TRIM52: variants seen among roughly 807,000 people sequenced by gnomAD.
The protein encoded by TRIM52 is E3 ubiquitin-protein ligase TRIM52.
TRIM52 carries 24 observed loss-of-function variants against 27.0 expected under a neutral mutation model. That is an observed-to-expected ratio of 0.89 (90% CI 0.64 to 1.25). The LOEUF (loss-of-function observed/expected upper bound fraction) is 1.25, where lower values mean the gene tolerates loss of function less well. Ranked by LOEUF, TRIM52 falls within the 50% of genes most tolerant of loss-of-function variation. The pLI, the probability that TRIM52 is intolerant of heterozygous loss-of-function variation, is 0.00. For missense variants in TRIM52, 351 were observed against 354.7 expected (o/e 0.99, Z 0.08); for synonymous variants, 125 against 126.5 (o/e 0.99, Z 0.08).
chr5:181,251,044 C>G (rs546740381), downstream of TRIM52, among the ~76,000 whole-genome samples: 2 of 152,000 alleles, frequency 1.3e-5, no homozygotes, highest in Admixed American at 6.6e-5. Context: ...AATCCCAGCA[C>G]TTTGGGAGGC....
chr5:181,252,367 C>T (rs1490671017), downstream of TRIM52, among the ~76,000 whole-genome samples: 1 of 152,144 alleles, frequency 6.6e-6, no homozygotes, highest in African/African-American at 2.4e-5. Flanking sequence ...AAATTAAATA[C>T]TATCTTAAAA....
At chr5:181,250,520 AG>A (rs61677929), downstream of TRIM52, among the ~76,000 whole-genome samples, 15,339 of 151,910 alleles carry the variant, frequency 0.1, 1,665 homozygotes, top group African/African-American at 0.27. Flanking sequence ...TGGGCAACAG[AG>A]GGAGACTGCA....
In TRIM52 at chr5:181,260,242, G is replaced by C; in HGVS notation, c.572C>G (p.Thr191Arg). Residue 191 changes from threonine to arginine, a missense_variant, in exon 1 of 2, where the codon ACA becomes AGA. Thr to Arg is a moderately conservative substitution (Grantham distance 71, BLOSUM62 -1). Transcript: ENST00000688015. The surrounding 1 kb of genome is among the most constrained non-coding windows in gnomAD (Gnocchi z 4.4). ...CAAGTTGGGACGAAAGCTGCGACGT[G>C]TAAAGCTCTTTCGGCACTGGGGGCA... is the stretch of plus-strand genomic sequence containing the variant. The part of the protein sequence containing the change: ...FTCPQCRKSF[T>R]RRSFRPNLQL... 6.2e-7 allele frequency: 1 copy of C among 1,614,264 alleles called. No individual in the cohort carries two copies. Among genetic ancestry groups the C allele is most frequent in the Non-Finnish European group, 8.5e-7 (1 of 1,180,048 alleles).
rs1317246459 is a variant in TRIM52 at position 181,255,900 on chromosome 5, C to G, written c.*909G>C. On this transcript the variant is annotated 3_prime_UTR_variant, in exon 2 of 2. Transcript: ENST00000688015. ...GGGGTTGTTCTGTCCACAAGTTCAGCAGAATCCGTTTTTCTTTGGCAACCA... is the reference window on the plus strand; with the variant it reads ...GGGGTTGTTCTGTCCACAAGTTCAGGAGAATCCGTTTTTCTTTGGCAACCA... 6.6e-6 allele frequency: 1 copy of G among 152,178 alleles called. No individual in the cohort carries two copies. 9.4% of individuals were successfully genotyped at this position (152,178 alleles called of 1,614,324 possible). A position where few individuals can be genotyped will look rare whatever the true frequency, so the allele number is the denominator to read the frequency against.
chr5:181,260,651 C>T lies in TRIM52; in HGVS notation c.163G>A (p.Asp55Asn), dbSNP rs1295164987. 6.2e-6 allele frequency: 10 copies of T among 1,613,954 alleles called. No individual in the cohort carries two copies. The highest frequency in any genetic ancestry group is 2.2e-5 in the East Asian group (1 of 44,876). Residue 55 changes from aspartate (D) to asparagine (N), a missense_variant, in exon 1 of 2, where the codon GAC becomes AAC. Coordinates refer to ENST00000688015, the MANE Select transcript of TRIM52 (RefSeq NM_001346048.2). This position sits in a 1 kb window ranked among gnomAD's most constrained non-coding sequence, Gnocchi z 4.4. ...TQLWSKEDEE[D>N]QNEEEDEWEE... ...CATTCATCTTCCTCCTCGTTCTGGT[C>T]CTCCTCGTCCTCCTTACTCCACAGC... is the stretch of plus-strand genomic sequence containing the variant.
At chr5:181,257,020 CTGGGTGGCAGG>C (rs1759810045) in intron 1 of TRIM52, 161 bp from the exon 2 acceptor site, 1 of 990,922 alleles carries the variant, frequency 1.0e-6, no homozygotes, top group Admixed American at 6.0e-5. Flanking sequence ...TTGGTGGCAG[CTGGGTGGCAGG>C]ACAATCCAGG....
At position 181,261,069 on chromosome 5, in the gene TRIM52, C is replaced by T. The variant is rs370604139; in HGVS notation, c.-256G>A. On this transcript the variant is annotated 5_prime_UTR_variant, in exon 1 of 2. Coordinates refer to ENST00000688015, the MANE Select transcript of TRIM52 (RefSeq NM_001346048.2). ...AGCTGCTCGGTCCTGTCACGTCTCT[C>T]GCTACCCTCAGGGTGTGCCCTACAC... 1.1e-3 allele frequency: 555 copies of T among 492,924 alleles called. 13 individuals carry two copies. The South Asian group carries it at 0.018, about 16-fold the overall frequency. 30.5% of individuals were successfully genotyped at this position (492,924 alleles called of 1,614,324 possible). A position where few individuals can be genotyped will look rare whatever the true frequency, so the allele number is the denominator to read the frequency against.
downstream of TRIM52, among the ~76,000 whole-genome samples, chr5:181,253,795 A>G (rs2113235669): frequency 7.1e-6 from 1 of 140,816 alleles, no homozygotes; most frequent in Admixed American, 6.9e-5. Context: ...CCAGGAGTTC[A>G]AGACCAGCCT....
At chr5:181,254,018 C>T (rs192169869), downstream of TRIM52, among the ~76,000 whole-genome samples, 3,184 of 139,814 alleles carry the variant, frequency 0.023, 258 homozygotes, top group Non-Finnish European at 0.031. Context: ...AGGCCGGGCG[C>T]GGTGGCTCAC....
Position 181,260,137 on chromosome 5 carries a change from A to G in TRIM52, c.677T>C (p.Met226Thr). 2 of 1,614,206 alleles carry G rather than the reference A, an allele frequency of 1.2e-6. No individual in the cohort carries two copies. The highest frequency in any genetic ancestry group is 4.5e-5 in the East Asian group (2 of 44,882). Reference sequence around the variant, plus strand: ...CAGGGCTTCCTGGTGTTTAAAGCACATGCCCTGATCATTACTCCGGTTTCC... The same window carrying G: ...CAGGGCTTCCTGGTGTTTAAAGCACGTGCCCTGATCATTACTCCGGTTTCC... ...YRGNRSNDQG[M>T]CFKHQEALKL... The change falls in exon 1 of 2, where the codon ATG becomes ACG. Residue 226 changes from methionine to threonine, a missense_variant. Coordinates refer to ENST00000688015, the MANE Select transcript of TRIM52 (RefSeq NM_001346048.2). The surrounding 1 kb of genome is among the most constrained non-coding windows in gnomAD (Gnocchi z 4.4).
chr5:181,251,451 TAAC>T (rs1759632284), downstream of TRIM52, among the ~76,000 whole-genome samples: 1 of 152,020 alleles, frequency 6.6e-6, no homozygotes, highest in Non-Finnish European at 1.5e-5. Context: ...AAAACAACAA[TAAC>T]AACAACAAAC....
downstream of TRIM52, chr5:181,254,953 T>C (rs1201759625): frequency 6.6e-6 from 1 of 152,200 alleles, no homozygotes; most frequent in African/African-American, 2.4e-5. Flanking sequence ...GTTTAAACAG[T>C]CTGACTTGTG....
At position 181,260,421 on chromosome 5, in the gene TRIM52, A is replaced by C; in HGVS notation, c.393T>G (p.Asp131Glu). The C allele has an allele frequency of 6.3e-7, 1 of 1,580,776 alleles. No individual in the cohort carries two copies. Among genetic ancestry groups the C allele is most frequent in the South Asian group, 1.1e-5 (1 of 90,216 alleles). Residue 131 changes from aspartate (D) to glutamate (E), a missense_variant, in exon 1 of 2, where the codon GAT (aspartate) becomes GAG (glutamate). Coordinates refer to ENST00000688015, the MANE Select transcript of TRIM52 (RefSeq NM_001346048.2). This position sits in a 1 kb window ranked among gnomAD's most constrained non-coding sequence, Gnocchi z 4.4. ...TCAAGCCTCCTAGGTAATAGTCCTGATCTTCCTCTTCTTCTTCTTCCTCCT... is the reference window on the plus strand; with the variant it reads ...TCAAGCCTCCTAGGTAATAGTCCTGCTCTTCCTCTTCTTCTTCTTCCTCCT... Reference protein sequence around the residue: ...WDEEEEEEEEDQDYYLGGLRP... With the variant: ...WDEEEEEEEEEQDYYLGGLRP...
chr5:181,251,935 C>T (rs1759643380), downstream of TRIM52, among the ~76,000 whole-genome samples: 1 of 152,182 alleles, frequency 6.6e-6, no homozygotes, highest in Admixed American at 6.5e-5. Context: ...ATCCCATTTT[C>T]AAAAAGTCAG....
chr5:181,260,958 A>G lies in TRIM52; in HGVS notation c.-145T>C. The G allele has an allele frequency of 7.9e-7, 1 of 1,264,304 alleles. No homozygotes were observed. The highest frequency in any genetic ancestry group is 1.1e-6 in the Non-Finnish European group (1 of 945,550). The allele number at this position is 1,264,304 out of a possible 1,614,324, so 78.3% of individuals were successfully genotyped here. Reference sequence around the variant, plus strand: ...TCCTCGGGGCCGCAGGGGAGCTTTGACCCCCTCTCTCAGGGTGCGAACGCC... The same window carrying G: ...TCCTCGGGGCCGCAGGGGAGCTTTGGCCCCCTCTCTCAGGGTGCGAACGCC... On this transcript the variant is annotated 5_prime_UTR_variant, in exon 1 of 2. Coordinates refer to ENST00000688015, the MANE Select transcript of TRIM52 (RefSeq NM_001346048.2). This position sits in a 1 kb window ranked among gnomAD's most constrained non-coding sequence, Gnocchi z 4.4.
intron 1 of TRIM52, 128 bp from the exon 2 acceptor site, chr5:181,256,987 T>C: frequency 1.0e-6 from 1 of 989,178 alleles, no homozygotes; most frequent in Non-Finnish European, 1.2e-6. Context: ...CTGGTCCCTC[T>C]TGCAGAGTGA....
chr5:181,250,445 A>G (rs1284748415), downstream of TRIM52, among the ~76,000 whole-genome samples: 1 of 152,066 alleles, frequency 6.6e-6, no homozygotes, highest in Non-Finnish European at 1.5e-5. Context: ...CTGAGGCAGG[A>G]GAATCACTTG....
At chr5:181,257,513 A>T in intron 1 of TRIM52, 1 of 1,599,546 alleles carries the variant, frequency 6.3e-7, no homozygotes, top group Non-Finnish European at 8.5e-7. Flanking sequence ...TGAAAAATGA[A>T]GTTTTTTTAA....
chr5:181,258,731 G>C (rs1268412782), intron 1 of TRIM52: 2 of 144,876 alleles, frequency 1.4e-5, no homozygotes, highest in Non-Finnish European at 2.9e-5. Context: ...TTTAGATGAA[G>C]TATATACATG....
Sources: allele counts gnomAD v4.1 joint callset (sites outside exome capture counted in the v4.1 genomes callset), GRCh38; gene constraint gnomAD v4.1.1; non-coding constraint Gnocchi (gnomAD v3.1); transcripts MANE v1.5; gene names NCBI Gene and HGNC (gene_info 2026-07-23, HGNC 2026-07-21).